PACRG: variants seen among roughly 807,000 people sequenced by gnomAD.
PACRG encodes the protein parkin coregulated gene protein.
PACRG carries 29 observed loss-of-function variants against 29.7 expected under a neutral mutation model. The ratio of observed to expected loss-of-function variants is 0.98; its 90% CI spans 0.73 to 1.33. PACRG has a LOEUF of 1.33. PACRG is among the 40% of genes most tolerant of loss of function. The pLI, the probability that PACRG is intolerant of heterozygous loss-of-function variation, is 0.00. For synonymous variants in PACRG, 116 were observed against 118.7 expected (o/e 0.98, Z 0.15); for missense variants, 279 against 316.2 (o/e 0.88, Z 0.89).
chr6:163,268,715 T>C (rs1287356587), intron 4 of PACRG, among the ~76,000 whole-genome samples: 2 of 152,246 alleles, frequency 1.3e-5, no homozygotes, highest in East Asian at 1.9e-4. Flanking sequence ...CCTGCTTTTA[T>C]GTAATATTCA....
chr6:162,751,838 A>G (rs185853608), intron 1 of PACRG, among the ~76,000 whole-genome samples: 4 of 152,274 alleles, frequency 2.6e-5, no homozygotes, highest in Admixed American at 1.3e-4. Flanking sequence ...TACATTGATA[A>G]CATTTTCACA....
At chr6:162,899,488 G>T (rs531408190) in intron 2 of PACRG, among the ~76,000 whole-genome samples, 1 of 152,268 alleles carries the variant, frequency 6.6e-6, no homozygotes, top group East Asian at 1.9e-4. Context: ...TTCTGAGTGA[G>T]TTTGTGTTTT....
intron 2 of PACRG, among the ~76,000 whole-genome samples, chr6:162,983,859 T>G (rs556837350): frequency 6.6e-6 from 1 of 152,088 alleles, no homozygotes; most frequent in African/African-American, 2.4e-5. Flanking sequence ...AGAACTGAAG[T>G]GAGGCCAAGG....
chr6:162,963,927 G>T (rs1185508100), intron 2 of PACRG, among the ~76,000 whole-genome samples: 2 of 152,122 alleles, frequency 1.3e-5, no homozygotes, highest in Non-Finnish European at 2.9e-5. Flanking sequence ...AACCTAGATT[G>T]TTATTCCCTT....
rs867699013 is a variant in PACRG at position 163,135,289 on chromosome 6, A to C, written c.613+45881A>C. Reference sequence around the variant, plus strand: ...CTGCAGCCTCCACCTCCTCGGTTCAAGCGATTCTCCTGCCTCAGCCTCCCA... The same window carrying C: ...CTGCAGCCTCCACCTCCTCGGTTCACGCGATTCTCCTGCCTCAGCCTCCCA... On this transcript the variant is annotated intron_variant, in intron 4 of 4. Coordinates refer to ENST00000366888, the MANE Select transcript of PACRG (RefSeq NM_001080379.2). Among the ~76,000 whole-genome samples the C allele has an allele frequency of 4.6e-5, 7 of 151,984 alleles. 1 individual carries two copies. The Middle Eastern group carries it at 0.017, about 369-fold the overall frequency.
At chr6:163,111,905 T>C (rs1295193440) in intron 4 of PACRG, 1 of 230,862 alleles carries the variant, frequency 4.3e-6, no homozygotes, top group African/African-American at 2.3e-5. Flanking sequence ...GAATCATATA[T>C]TTAAATGCCT....
At chr6:162,787,444 C>T (rs1784544323) in intron 1 of PACRG, among the ~76,000 whole-genome samples, 1 of 150,486 alleles carries the variant, frequency 6.6e-6, no homozygotes, top group African/African-American at 2.4e-5. Flanking sequence ...CACACATATA[C>T]ACACATGATA....
intron 2 of PACRG, among the ~76,000 whole-genome samples, chr6:163,014,647 A>T (rs917615705): frequency 1.9e-4 from 29 of 151,914 alleles, no homozygotes; most frequent in African/African-American, 6.8e-4. Flanking sequence ...CTGCTTGTGT[A>T]TCTTCTTTTG....
At chr6:162,915,567 C>T (rs1004009953) in intron 2 of PACRG, among the ~76,000 whole-genome samples, 3 of 151,838 alleles carry the variant, frequency 2.0e-5, no homozygotes, top group South Asian at 4.1e-4. Flanking sequence ...TTTTATTATG[C>T]GTTTTCTCTT....
At chr6:162,934,018 G>A (rs1480846069) in intron 2 of PACRG, among the ~76,000 whole-genome samples, 1 of 152,074 alleles carries the variant, frequency 6.6e-6, no homozygotes, top group East Asian at 1.9e-4. Flanking sequence ...AATCCCAGCA[G>A]TTTGGGAGGC....
At chr6:162,803,057 G>A (rs71567672) in intron 1 of PACRG, among the ~76,000 whole-genome samples, 13,303 of 152,120 alleles carry the variant, frequency 0.087, 910 homozygotes, top group South Asian at 0.24. Flanking sequence ...CTCTTCAGAT[G>A]TCCAGTTGTT....
chr6:162,880,582 C>T (rs536037771), intron 2 of PACRG, among the ~76,000 whole-genome samples: 3 of 152,068 alleles, frequency 2.0e-5, no homozygotes, highest in East Asian at 1.9e-4. Flanking sequence ...AAAAATATAA[C>T]GCTTCATATC....
intron 2 of PACRG, among the ~76,000 whole-genome samples, chr6:162,930,981 A>G (rs973814188): frequency 6.6e-6 from 1 of 151,638 alleles, no homozygotes; most frequent in Non-Finnish European, 1.5e-5. Context: ...GTTTGCTAGT[A>G]TTTTGTTGAT....
intron 2 of PACRG, among the ~76,000 whole-genome samples, chr6:162,881,651 A>G (rs1409409864): frequency 1.6e-4 from 22 of 137,016 alleles, no homozygotes; most frequent in African/African-American, 5.5e-4. Flanking sequence ...ACCTGGGGGA[A>G]TTCTTCACCA....
At chr6:163,163,550 G>A (rs999073473) in intron 4 of PACRG, among the ~76,000 whole-genome samples, 2 of 152,176 alleles carry the variant, frequency 1.3e-5, no homozygotes, top group South Asian at 2.1e-4. Flanking sequence ...GGGATTACAG[G>A]CGTGAGCCAC....
chr6:162,776,328 C>A (rs998432188), intron 1 of PACRG, among the ~76,000 whole-genome samples: 1 of 152,296 alleles, frequency 6.6e-6, no homozygotes, highest in East Asian at 1.9e-4. Flanking sequence ...GCCACATCTT[C>A]GACTCCCATC....
chr6:162,902,021 T>C (rs1435349301), intron 2 of PACRG, among the ~76,000 whole-genome samples: 8 of 152,348 alleles, frequency 5.3e-5, no homozygotes, highest in Non-Finnish European at 8.8e-5. Context: ...TGTGTGTCCA[T>C]GCGTACATGC....
intron 4 of PACRG, among the ~76,000 whole-genome samples, chr6:163,223,359 A>T (rs556708044): frequency 6.6e-6 from 1 of 152,168 alleles, no homozygotes; most frequent in Non-Finnish European, 1.5e-5. Flanking sequence ...GCGCCGTTGC[A>T]CTCCAGCCTG....
chr6:163,033,288 G>T (rs1252777175), intron 2 of PACRG, among the ~76,000 whole-genome samples: 1 of 152,178 alleles, frequency 6.6e-6, no homozygotes. Context: ...GACCCAGACA[G>T]AAGTGCAGAT....
Sources: allele counts gnomAD v4.1 joint callset (sites outside exome capture counted in the v4.1 genomes callset), GRCh38; gene constraint gnomAD v4.1.1; transcripts MANE v1.5; gene names NCBI Gene and HGNC (gene_info 2026-07-23, HGNC 2026-07-21).